Variants in TACR1 observed in about 807,000 individuals in gnomAD.
The protein encoded by TACR1 is tachykinin receptor 1, also known as substance-P receptor.
A neutral mutation model predicts 35.8 loss-of-function variants in TACR1; 25 were observed. The observed-to-expected ratio is 0.70, with a 90% CI of 0.51 to 0.98. The LOEUF (loss-of-function observed/expected upper bound fraction) is 0.98, where lower values mean the gene tolerates loss of function less well. TACR1 is among the 50% of genes least tolerant of loss of function. The pLI, the probability that TACR1 is intolerant of heterozygous loss-of-function variation, is 0.00. For missense variants in TACR1, 478 were observed against 522.9 expected (o/e 0.91, Z 0.84); for synonymous variants, 195 against 206.7 (o/e 0.94, Z 0.48).
At position 75,059,603 on chromosome 2, in the gene TACR1, T is replaced by A. The variant is rs186754568; in HGVS notation, c.585-5848A>T. Among the ~76,000 whole-genome samples the A allele has an allele frequency of 2.6e-5, 4 of 152,360 alleles. No homozygotes were observed. The East Asian group carries it at 7.7e-4, about 29-fold the overall frequency. ...GACTTTTGATGCTGGTAGCTGCAAC[T>A]GATGCAGTTCCTCCTTAAACCCAGT... On this transcript the variant is annotated intron_variant, in intron 2 of 4. Transcript: ENST00000305249.
chr2:75,172,850 C>A (rs1421167255), intron 1 of TACR1, among the ~76,000 whole-genome samples: 1 of 152,068 alleles, frequency 6.6e-6, no homozygotes, highest in Non-Finnish European at 1.5e-5. Flanking sequence ...TTATTCAGAT[C>A]TTTTTCCTTG....
chr2:75,167,891 G>A (rs1482329311), intron 1 of TACR1, among the ~76,000 whole-genome samples: 3 of 152,148 alleles, frequency 2.0e-5, no homozygotes, highest in African/African-American at 4.8e-5. Context: ...TGATACCATT[G>A]TTCACTCATC....
chr2:75,155,714 G>C lies in TACR1; in HGVS notation c.390-34946C>G, dbSNP rs1674833900. Among the ~76,000 whole-genome samples, 3 of 152,332 alleles carry C rather than the reference G, an allele frequency of 2.0e-5. No individual in the cohort carries two copies. In the South Asian group the frequency reaches 6.2e-4, roughly 32 times the overall value. On this transcript the variant is annotated intron_variant, in intron 1 of 4. Coordinates refer to ENST00000305249, the MANE Select transcript of TACR1 (RefSeq NM_001058.4). Reference sequence around the variant, plus strand: ...ATTTTATCATATCCACATAACAAGAGAGAGAGTTTTAAAAAGGAGAGTGGT... The same window carrying C: ...ATTTTATCATATCCACATAACAAGACAGAGAGTTTTAAAAAGGAGAGTGGT...
chr2:75,051,069 G>A, intron 4 of TACR1, 182 bp downstream of exon 4: 2 of 713,982 alleles, frequency 2.8e-6, no homozygotes, highest in East Asian at 5.4e-5. Flanking sequence ...GTCCACTCCG[G>A]GCTCCCATTC....
intron 1 of TACR1, 96 bp from the exon 2 acceptor site, chr2:75,120,864 A>G (rs1256321385): frequency 1.0e-5 from 10 of 972,634 alleles, no homozygotes; most frequent in Non-Finnish European, 8.9e-6. Flanking sequence ...ATTCATAGAA[A>G]CCCTTTGATT....
At chr2:75,186,785 T>C (rs1352277239) in intron 1 of TACR1, 2 of 152,252 alleles carry the variant, frequency 1.3e-5, no homozygotes, top group African/African-American at 4.8e-5. Context: ...AACTGTTTTA[T>C]ATACAGCAGT....
At chr2:75,109,668 T>C (rs892749165) in intron 2 of TACR1, among the ~76,000 whole-genome samples, 14 of 152,134 alleles carry the variant, frequency 9.2e-5, no homozygotes, top group African/African-American at 3.4e-4. Flanking sequence ...GGTTACAGAA[T>C]TAAAAATGCT....
chr2:75,104,854 A>G (rs893660508), intron 2 of TACR1, among the ~76,000 whole-genome samples: 2 of 152,154 alleles, frequency 1.3e-5, no homozygotes, highest in Non-Finnish European at 2.9e-5. Context: ...CAGAACTGTT[A>G]TGATGGCTAT....
intron 2 of TACR1, among the ~76,000 whole-genome samples, chr2:75,097,459 T>A (rs4853105): frequency 0.7 from 106,863 of 151,894 alleles, 38,000 homozygotes; most frequent in African/African-American, 0.8. Flanking sequence ...TGACCTAAAC[T>A]TTCTCTTACC....
chr2:75,113,182 T>G (rs551645009), intron 2 of TACR1, among the ~76,000 whole-genome samples: 6 of 152,344 alleles, frequency 3.9e-5, no homozygotes, highest in African/African-American at 1.4e-4. Flanking sequence ...AGTTTGATAA[T>G]TTATGGTTTT....
chr2:75,155,520 G>C (rs1433679687), intron 1 of TACR1, among the ~76,000 whole-genome samples: 1 of 151,870 alleles, frequency 6.6e-6, no homozygotes, highest in Non-Finnish European at 1.5e-5. Flanking sequence ...CAGCTCTTCT[G>C]GTCCAGCTCA....
intron 2 of TACR1, 128 bp downstream of exon 2, chr2:75,120,446 G>T: frequency 1.2e-6 from 1 of 845,000 alleles, no homozygotes; most frequent in Non-Finnish European, 1.8e-6. Flanking sequence ...GTATATGTGA[G>T]AAATGCTTGC....
intron 1 of TACR1, among the ~76,000 whole-genome samples, chr2:75,184,180 G>T (rs1389844488): frequency 6.6e-6 from 1 of 152,134 alleles, no homozygotes; most frequent in Non-Finnish European, 1.5e-5. Flanking sequence ...AGGAGTTCTA[G>T]AACAGTTGAA....
At chr2:75,198,508 T>G (rs1389704164) in intron 1 of TACR1, 38 bp downstream of exon 1, 2 of 1,600,384 alleles carry the variant, frequency 1.2e-6, no homozygotes, top group Non-Finnish European at 1.7e-6. Flanking sequence ...TGGTCCTCTA[T>G]GAGCACTTTC....
chr2:75,055,435 A>C (rs149215256), intron 2 of TACR1, among the ~76,000 whole-genome samples: 2 of 152,114 alleles, frequency 1.3e-5, no homozygotes, highest in Non-Finnish European at 2.9e-5. Context: ...GGGCTCTCCA[A>C]CCACTATGGC....
At chr2:75,173,029 A>G (rs1445388020) in intron 1 of TACR1, among the ~76,000 whole-genome samples, 1 of 152,240 alleles carries the variant, frequency 6.6e-6, no homozygotes, top group East Asian at 1.9e-4. Context: ...AAATAAGGCC[A>G]CATTCTGAGA....
intron 1 of TACR1, 92 bp from the exon 2 acceptor site, chr2:75,120,860 A>G (rs2103909797): frequency 9.5e-7 from 1 of 1,049,822 alleles, no homozygotes; most frequent in Non-Finnish European, 1.4e-6. Flanking sequence ...GAAAATTCAT[A>G]GAAACCCTTT....
At chr2:75,095,619 T>C (rs1188003393) in intron 2 of TACR1, among the ~76,000 whole-genome samples, 1 of 152,116 alleles carries the variant, frequency 6.6e-6, no homozygotes, top group Non-Finnish European at 1.5e-5. Flanking sequence ...CCTTAAATGC[T>C]TAGGTAAAGA....
At chr2:75,124,999 C>A (rs544404530) in intron 1 of TACR1, among the ~76,000 whole-genome samples, 7 of 152,264 alleles carry the variant, frequency 4.6e-5, no homozygotes, top group East Asian at 3.9e-4. Context: ...AGTGGTCAAT[C>A]TGGGATGTTT....
Sources: gnomAD v4.1 joint callset for allele counts (sites outside exome capture counted in the v4.1 genomes callset) on GRCh38, gnomAD v4.1.1 for gene constraint, MANE v1.5 for transcripts, NCBI Gene and HGNC (gene_info 2026-07-23, HGNC 2026-07-21) for gene names.